Variants in PRP4K observed in about 807,000 individuals in gnomAD.
The protein encoded by PRP4K is pre-mRNA processing factor kinase PRP4K.
the PRP4K span, among the ~76,000 whole-genome samples, chr6:4,026,139 T>TCTG: frequency 1.3e-5 from 2 of 151,962 alleles, no homozygotes; most frequent in African/African-American, 4.8e-5. Flanking sequence ...GTAGCTGGGA[T>TCTG]TACAGGCATG....
At chr6:4,045,698 C>T in the PRP4K span, among the ~76,000 whole-genome samples, 4 of 152,138 alleles carry the variant, frequency 2.6e-5, no homozygotes, top group Non-Finnish European at 5.9e-5. Context: ...CATTAGATAT[C>T]AGTATGATTA....
chr6:4,030,262 C>T, the PRP4K span, among the ~76,000 whole-genome samples: 688 of 152,062 alleles, frequency 4.5e-3, 6 homozygotes, highest in African/African-American at 0.015. Context: ...GTTTTCCTGC[C>T]GCGTGGCTTA....
the PRP4K span, chr6:4,037,698 C>G: frequency 2.5e-6 from 2 of 809,168 alleles, no homozygotes; most frequent in South Asian, 5.1e-5. Context: ...CCATAGTTTC[C>G]TTTTACCAGC....
chr6:4,056,519 C>G, the PRP4K span: 1 of 1,608,206 alleles, frequency 6.2e-7, no homozygotes, highest in Non-Finnish European at 8.5e-7. Flanking sequence ...TTTTCCATCA[C>G]ACTTCAGCAG....
chr6:4,032,183 A>G, the PRP4K span: 1 of 1,614,000 alleles, frequency 6.2e-7, no homozygotes, highest in African/African-American at 1.3e-5. Context: ...AGAGGAAAAA[A>G]TCTAAAAGCC....
chr6:4,049,206 C>G, the PRP4K span: 1 of 1,091,734 alleles, frequency 9.2e-7, no homozygotes, highest in Non-Finnish European at 1.3e-6. Context: ...TCTGAAAAAT[C>G]ACATCACAGT....
At chr6:4,049,314 T>C in the PRP4K span, 6 of 546,432 alleles carry the variant, frequency 1.1e-5, no homozygotes, top group Non-Finnish European at 1.9e-5. Context: ...AGGTAAAGTC[T>C]TGATGTACAA....
the PRP4K span, among the ~76,000 whole-genome samples, chr6:4,040,513 C>T: frequency 6.6e-6 from 1 of 152,148 alleles, no homozygotes; most frequent in South Asian, 2.1e-4. Context: ...TTTCTTAGTT[C>T]AGAGTTTGAT....
the PRP4K span, among the ~76,000 whole-genome samples, chr6:4,029,935 T>C: frequency 6.6e-6 from 1 of 150,932 alleles, no homozygotes; most frequent in East Asian, 1.9e-4. Flanking sequence ...ATCTGTTTTC[T>C]TTCTTTTTTT....
chr6:4,025,885 A>G, the PRP4K span, among the ~76,000 whole-genome samples: 1 of 152,252 alleles, frequency 6.6e-6, no homozygotes, highest in Non-Finnish European at 1.5e-5. Flanking sequence ...TGTGCCTACT[A>G]TGTGTGTGCA....
At chr6:4,031,172 G>A in the PRP4K span, among the ~76,000 whole-genome samples, 5 of 152,186 alleles carry the variant, frequency 3.3e-5, no homozygotes, top group African/African-American at 1.2e-4. Context: ...CCCTTTGGTT[G>A]TTAATGTGTG....
the PRP4K span, among the ~76,000 whole-genome samples, chr6:4,027,592 C>CGGG: frequency 0.015 from 121 of 7,856 alleles, 2 homozygotes; most frequent in African/African-American, 0.036. Flanking sequence ...GCTTATTTGG[C>CGGG]GGAGGGGTGG....
the PRP4K span, among the ~76,000 whole-genome samples, chr6:4,033,592 T>C: frequency 1.3e-5 from 2 of 152,308 alleles, no homozygotes; most frequent in Admixed American, 6.5e-5. Context: ...TTAAGTATTA[T>C]GAAATTGCCA....
the PRP4K span, chr6:4,052,609 T>G: frequency 1.2e-6 from 1 of 865,642 alleles, no homozygotes; most frequent in Non-Finnish European, 1.7e-6. Context: ...TTACATATTT[T>G]TATTTTGCGC....
chr6:4,057,007 G>T, the PRP4K span: 5 of 1,515,502 alleles, frequency 3.3e-6, no homozygotes, highest in South Asian at 1.2e-5. Flanking sequence ...CTCTATCCTC[G>T]TATATTAAAA....
the PRP4K span, chr6:4,058,941 A>T: frequency 1.5e-6 from 1 of 660,496 alleles, no homozygotes. Flanking sequence ...CTGTCGACCA[A>T]TTCCTAAATA....
At chr6:4,022,117 G>A in the PRP4K span, among the ~76,000 whole-genome samples, 2 of 146,894 alleles carry the variant, frequency 1.4e-5, no homozygotes, top group African/African-American at 5.0e-5. Context: ...CAAACTTGAG[G>A]CAAAGTAAGA....
the PRP4K span, chr6:4,058,658 A>C: frequency 1.5e-4 from 138 of 939,460 alleles, no homozygotes; most frequent in Non-Finnish European, 2.2e-4. Context: ...GACTTATTGT[A>C]TATTAATTAA....
the PRP4K span, among the ~76,000 whole-genome samples, chr6:4,025,055 C>T: frequency 1.3e-5 from 2 of 152,184 alleles, no homozygotes; most frequent in South Asian, 4.1e-4. Flanking sequence ...ACCTTTGCTT[C>T]CAAATAATGT....
Sources: allele counts gnomAD v4.1 joint callset (sites outside exome capture counted in the v4.1 genomes callset), GRCh38; gene constraint gnomAD v4.1.1; transcripts MANE v1.5; gene names NCBI Gene and HGNC (gene_info 2026-07-23, HGNC 2026-07-21).